NCAM2: variants seen among roughly 807,000 people sequenced by gnomAD.
NCAM2 encodes the protein neural cell adhesion molecule 2.
In NCAM2, 30 loss-of-function variants were observed where a neutral mutation model predicts 98.1. The ratio of observed to expected loss-of-function variants is 0.31; its 90% CI spans 0.23 to 0.41. NCAM2 has a LOEUF of 0.41. Ranked by LOEUF, NCAM2 falls within the 10% of genes least tolerant of loss-of-function variation. The pLI is 1.00. For missense variants in NCAM2, 867 were observed against 1,005.8 expected (o/e 0.86, Z 1.87); for synonymous variants, 368 against 342.4 (o/e 1.07, Z -0.83).
intron 8 of NCAM2, among the ~76,000 whole-genome samples, chr21:21,347,565 A>G (rs1228058374): frequency 6.6e-6 from 1 of 152,064 alleles, no homozygotes; most frequent in Non-Finnish European, 1.5e-5. Context: ...GCTGTATTCT[A>G]CCAAACATTT....
intron 1 of NCAM2, among the ~76,000 whole-genome samples, chr21:21,097,390 C>T (rs1221888528): frequency 6.6e-5 from 10 of 151,586 alleles, no homozygotes; most frequent in Non-Finnish European, 4.4e-5. Context: ...ACAGTGGAAA[C>T]GAGTTTCATG....
chr21:21,234,154 G>A (rs114500407), intron 1 of NCAM2, among the ~76,000 whole-genome samples: 2,122 of 151,830 alleles, frequency 0.014, 43 homozygotes, highest in African/African-American at 0.049. Flanking sequence ...AAATGTGTGA[G>A]GGATATTTCT....
At chr21:21,204,620 A>C in intron 1 of NCAM2, among the ~76,000 whole-genome samples, 1 of 152,174 alleles carries the variant, frequency 6.6e-6, no homozygotes, top group African/African-American at 2.4e-5. Flanking sequence ...AGATTAACAC[A>C]GATCCCTTAG....
At chr21:21,214,740 T>TACTCC (rs1568780164) in intron 1 of NCAM2, among the ~76,000 whole-genome samples, 5 of 101,156 alleles carry the variant, frequency 4.9e-5, no homozygotes, top group African/African-American at 1.4e-4. Flanking sequence ...TATATATATA[T>TACTCC]ATATATACAC....
intron 16 of NCAM2, among the ~76,000 whole-genome samples, chr21:21,520,666 G>T (rs750805350): frequency 6.6e-6 from 1 of 152,114 alleles, no homozygotes; most frequent in Non-Finnish European, 1.5e-5. Context: ...ACAATTCTTA[G>T]ATTCATAAGA....
chr21:21,405,137 T>C (rs2076714350), intron 9 of NCAM2, among the ~76,000 whole-genome samples: 1 of 151,980 alleles, frequency 6.6e-6, no homozygotes, highest in African/African-American at 2.4e-5. Flanking sequence ...TATCAAGATA[T>C]TTTTGCAGTC....
intron 1 of NCAM2, among the ~76,000 whole-genome samples, chr21:21,237,886 A>AT (rs1287066484): frequency 6.6e-6 from 1 of 151,792 alleles, no homozygotes; most frequent in Admixed American, 6.6e-5. Flanking sequence ...CTAAAAAAAA[A>AT]ATGATACTTC....
intron 1 of NCAM2, among the ~76,000 whole-genome samples, chr21:21,230,842 T>G (rs2147183736): frequency 6.6e-6 from 1 of 151,450 alleles, no homozygotes; most frequent in African/African-American, 2.4e-5. Context: ...TTAACAACAC[T>G]TCTGGTAATA....
In NCAM2 at chr21:21,540,032, A is replaced by T. The variant is rs372664773; in HGVS notation, c.*2075A>T. The T allele has an allele frequency of 1.4e-4, 22 of 152,174 alleles. No individual in the cohort carries two copies. In the East Asian group the frequency reaches 2.7e-3, roughly 19 times the overall value. 9.4% of individuals were successfully genotyped at this position (152,174 alleles called of 1,614,324 possible). On this transcript the variant is annotated 3_prime_UTR_variant, in exon 18 of 18. Coordinates refer to ENST00000400546, the MANE Select transcript of NCAM2 (RefSeq NM_004540.5). ...CATGAAGCAATAGCCATGAATGCTA[A>T]TTATTTCTAAATAGGGCCACATGGT... is the stretch of plus-strand genomic sequence containing the variant.
At chr21:21,378,590 G>C (rs1419101194) in intron 9 of NCAM2, among the ~76,000 whole-genome samples, 1 of 151,980 alleles carries the variant, frequency 6.6e-6, no homozygotes, top group African/African-American at 2.4e-5. Context: ...CAGATGTGTG[G>C]TTTGCAAATA....
chr21:21,092,488 G>A (rs1371957262), intron 1 of NCAM2, among the ~76,000 whole-genome samples: 1 of 151,684 alleles, frequency 6.6e-6, no homozygotes, highest in Non-Finnish European at 1.5e-5. Context: ...ATATTTATTA[G>A]CATGAATAAT....
intron 1 of NCAM2, among the ~76,000 whole-genome samples, chr21:21,219,355 A>G (rs1275404574): frequency 6.6e-6 from 1 of 152,206 alleles, no homozygotes; most frequent in Non-Finnish European, 1.5e-5. Context: ...CTTAAGTACA[A>G]CTTAAATTGT....
chr21:21,231,444 T>A (rs2070621503), intron 1 of NCAM2, among the ~76,000 whole-genome samples: 1 of 151,252 alleles, frequency 6.6e-6, no homozygotes, highest in African/African-American at 2.4e-5. Flanking sequence ...TAAAATTAAA[T>A]ATAACTGCCA....
At chr21:21,044,174 G>A (rs1261737109) in intron 1 of NCAM2, among the ~76,000 whole-genome samples, 2 of 152,122 alleles carry the variant, frequency 1.3e-5, no homozygotes, top group Non-Finnish European at 2.9e-5. Flanking sequence ...TCATAGCTTT[G>A]AAGATCTTTA....
chr21:21,151,738 T>C (rs758174427), intron 1 of NCAM2, among the ~76,000 whole-genome samples: 86 of 152,158 alleles, frequency 5.7e-4, no homozygotes, highest in Admixed American at 6.5e-4. Flanking sequence ...AGCCATCATA[T>C]GATTAGTGTT....
intron 15 of NCAM2, among the ~76,000 whole-genome samples, chr21:21,504,456 A>G (rs967105897): frequency 2.0e-5 from 3 of 151,948 alleles, no homozygotes; most frequent in African/African-American, 7.2e-5. Context: ...ATAAACCATG[A>G]TTAACTAATA....
chr21:21,315,739 A>G (rs910988454), intron 5 of NCAM2, among the ~76,000 whole-genome samples: 1 of 152,198 alleles, frequency 6.6e-6, no homozygotes, highest in Non-Finnish European at 1.5e-5. Context: ...TCTGAAAAGA[A>G]AATTGTTATC....
At chr21:21,437,474 C>CTGTGTGTGTGTGTGTG (rs3990174) in intron 12 of NCAM2, among the ~76,000 whole-genome samples, 11,391 of 144,338 alleles carry the variant, frequency 0.079, 473 homozygotes, top group Admixed American at 0.092. Context: ...CACCAAGATT[C>CTGTGTGTGTGTGTGTG]TGTGTGTGTG....
chr21:21,269,576 G>C (rs2147417085), intron 1 of NCAM2, among the ~76,000 whole-genome samples: 1 of 152,162 alleles, frequency 6.6e-6, no homozygotes, highest in African/African-American at 2.4e-5. Context: ...TTTAAAGAAG[G>C]GTATGCCTTT....
Sources: gnomAD v4.1 joint callset for allele counts (sites outside exome capture counted in the v4.1 genomes callset) on GRCh38, gnomAD v4.1.1 for gene constraint, MANE v1.5 for transcripts, NCBI Gene and HGNC (gene_info 2026-07-23, HGNC 2026-07-21) for gene names.